Variants in RFX2 observed in about 807,000 individuals in gnomAD.
RFX2 encodes the protein regulatory factor X2.
In RFX2, 20 loss-of-function variants were observed where a neutral mutation model predicts 87.8. That is an observed-to-expected ratio of 0.23 (90% confidence interval 0.16 to 0.33). The LOEUF (loss-of-function observed/expected upper bound fraction) is 0.33. Among genes scored for constraint, RFX2 ranks in the 10% least tolerant of loss-of-function variants. The pLI, the probability that RFX2 is intolerant of heterozygous loss-of-function variation, is 1.00. For missense variants in RFX2, 767 were observed against 1,012.3 expected (o/e 0.76, Z 3.29); for synonymous variants, 397 against 431.3 (o/e 0.92, Z 0.98).
At chr19:6,082,506 C>A (rs564044947) in intron 1 of RFX2, among the ~76,000 whole-genome samples, 2 of 152,142 alleles carry the variant, frequency 1.3e-5, no homozygotes, top group African/African-American at 4.8e-5. Context: ...GATCACAGCT[C>A]ACTTCATCCT....
chr19:6,095,133 CAAAT>C (rs2088003174), intron 1 of RFX2, among the ~76,000 whole-genome samples: 1 of 152,122 alleles, frequency 6.6e-6, no homozygotes, highest in Non-Finnish European at 1.5e-5. Context: ...TAAATAAAAA[CAAAT>C]AAATAAAATG....
chr19:6,085,460 A>G (rs2087843955), intron 1 of RFX2, among the ~76,000 whole-genome samples: 1 of 152,238 alleles, frequency 6.6e-6, no homozygotes, highest in African/African-American at 2.4e-5. Flanking sequence ...TCCTCTGCCC[A>G]TTAAAAAATT....
intron 5 of RFX2, among the ~76,000 whole-genome samples, chr19:6,032,351 C>T (rs1414802723): frequency 1.3e-5 from 2 of 152,054 alleles, no homozygotes; most frequent in African/African-American, 2.4e-5. Context: ...AGGATGGTCT[C>T]GATCTCCTGA....
intron 1 of RFX2, among the ~76,000 whole-genome samples, chr19:6,076,488 G>C (rs1230711554): frequency 1.3e-5 from 2 of 152,216 alleles, no homozygotes; most frequent in African/African-American, 4.8e-5. Flanking sequence ...GGGTCCTCCA[G>C]TTTCTAGCTG....
intron 1 of RFX2, among the ~76,000 whole-genome samples, chr19:6,092,865 C>T: frequency 6.6e-6 from 1 of 152,058 alleles, no homozygotes; most frequent in East Asian, 1.9e-4. Context: ...GGACCTGCTA[C>T]TCTGAAATGT....
Position 6,044,349 on chromosome 19 carries a change from T to G in RFX2, c.91-67A>C. 8.3e-6 allele frequency: 8 copies of G among 969,304 alleles called. No homozygotes were observed. The highest frequency in any genetic ancestry group is 1.2e-5 in the Non-Finnish European group (8 of 691,290). The allele number at this position is 969,304 out of a possible 1,614,324, so 60.0% of individuals were successfully genotyped here. On this transcript the variant is annotated intron_variant, in intron 2 of 17. Transcript: ENST00000303657. This position sits in a 1 kb window ranked among gnomAD's most constrained non-coding sequence, Gnocchi z 5.3. ...GTCAGTGCTGAGGATACACACAGAA[T>G]GTAAGATGCTGTTTGTCTGTTCATG...
chr19:6,015,358 G>A (rs977256810), intron 7 of RFX2, among the ~76,000 whole-genome samples: 8 of 151,960 alleles, frequency 5.3e-5, no homozygotes, highest in African/African-American at 1.7e-4. Context: ...GAACCCAGGA[G>A]GTGGAGGCTG....
rs1215227947 is a variant in RFX2, at chr19:6,064,790, G to T, written c.-8-17286C>A. ...TCTGGATCCCACCAACATCACATAGGGGACCTTTTCAATCTACCTCCTACC... is the reference window on the plus strand; with the variant it reads ...TCTGGATCCCACCAACATCACATAGTGGACCTTTTCAATCTACCTCCTACC... On this transcript the variant is annotated intron_variant, in intron 1 of 17. Coordinates refer to ENST00000303657, the MANE Select transcript of RFX2 (RefSeq NM_000635.4). The surrounding 1 kb of genome is among the most constrained non-coding windows in gnomAD (Gnocchi z 4.8). 6.6e-6 allele frequency among the ~76,000 whole-genome samples: 1 copy of T among 152,114 alleles called. No individual in the cohort carries two copies.
rs909071406 is a variant in RFX2 at position 6,044,932 on chromosome 19, C to G, written c.91-650G>C. Among the ~76,000 whole-genome samples the G allele has an allele frequency of 6.6e-6, 1 of 152,164 alleles. No individual in the cohort carries two copies. Among genetic ancestry groups the G allele is most frequent in the Non-Finnish European group, 1.5e-5 (1 of 68,020 alleles). The stretch of plus-strand genomic sequence containing the variant: ...GTCAAATCTGCACAGTGTGGCTTTG[C>G]TATTTTTCTGGGAGTACCGATTGGC... On this transcript the variant is annotated intron_variant, in intron 2 of 17. Transcript: ENST00000303657. This position sits in a 1 kb window ranked among gnomAD's most constrained non-coding sequence, Gnocchi z 5.3.
At chr19:6,079,927 A>C (rs1305593610) in intron 1 of RFX2, among the ~76,000 whole-genome samples, 3 of 151,658 alleles carry the variant, frequency 2.0e-5, no homozygotes, top group Non-Finnish European at 4.4e-5. Flanking sequence ...AAAACCATAG[A>C]ACAGCAAACC....
chr19:6,031,570 C>A (rs1465063885), intron 5 of RFX2, among the ~76,000 whole-genome samples: 1 of 151,192 alleles, frequency 6.6e-6, no homozygotes, highest in African/African-American at 2.4e-5. Context: ...GCTGGGATTA[C>A]AGGTGCCCGC....
At position 6,072,651 on chromosome 19, in the gene RFX2, G is replaced by T. The variant is rs142428242; in HGVS notation, c.-8-25147C>A. On this transcript the variant is annotated intron_variant, in intron 1 of 17. Coordinates refer to ENST00000303657, the MANE Select transcript of RFX2 (RefSeq NM_000635.4). ...GGCCAGGAGGTGGAGGATGCAGTGA[G>T]CAATGATTATACCACTGCACTCCAG... Among the ~76,000 whole-genome samples, 1,048 of 152,280 alleles carry T rather than the reference G, an allele frequency of 6.9e-3. 5 individuals are homozygous for T. The highest frequency in any genetic ancestry group is 0.012 in the Non-Finnish European group (794 of 68,014).
In RFX2 at chr19:5,997,186, C is replaced by T. The variant is rs750132162; in HGVS notation, c.1887G>A (p.Leu629=). The stretch of plus-strand genomic sequence containing the variant: ...AGGAGCCGAAGCTGGCAGCGCTGCG[C>T]AGGGTCAGGTCCCGGATCACCATGG... The part of the protein sequence containing the change: ...YSSMVIRDLT[L]RSAASFGSFH... Residue 629 remains leucine (L), a synonymous_variant, in exon 16 of 18, where the codon CTG becomes CTA. Transcript: ENST00000303657. The surrounding 1 kb of genome is among the most constrained non-coding windows in gnomAD (Gnocchi z 4.2). The T allele has an allele frequency of 1.2e-6, 2 of 1,612,686 alleles. No individual in the cohort carries two copies. Among genetic ancestry groups the T allele is most frequent in the Non-Finnish European group, 1.7e-6 (2 of 1,179,928 alleles).
In RFX2 at chr19:6,054,170, TAAA is replaced by T. The variant is rs150832795; in HGVS notation, c.-8-6669_-8-6667del. 6.2e-3 allele frequency among the ~76,000 whole-genome samples: 939 copies of T among 152,120 alleles called. 4 individuals are homozygous for T. The highest frequency in any genetic ancestry group is 9.8e-3 in the Non-Finnish European group (667 of 67,982). ...ATAACATATAAAATGAACACTTTTT[TAAA>T]AACACAACATAACAAAACTGACACA... On this transcript the variant is annotated intron_variant, in intron 1 of 17. Coordinates refer to ENST00000303657, the MANE Select transcript of RFX2 (RefSeq NM_000635.4).
chr19:6,070,064 G>T (rs2087575413), intron 1 of RFX2, among the ~76,000 whole-genome samples: 2 of 139,400 alleles, frequency 1.4e-5, no homozygotes, highest in Non-Finnish European at 1.6e-5. Context: ...GGATGGGATG[G>T]GATGGGATGT....
At chr19:6,091,290 A>C (rs1195127313) in intron 1 of RFX2, among the ~76,000 whole-genome samples, 1 of 152,160 alleles carries the variant, frequency 6.6e-6, no homozygotes, top group Non-Finnish European at 1.5e-5. Flanking sequence ...CCGGAGTTTG[A>C]GACCAGCCTG....
intron 1 of RFX2, among the ~76,000 whole-genome samples, chr19:6,096,238 T>C (rs942867994): frequency 3.3e-5 from 5 of 152,320 alleles, no homozygotes; most frequent in South Asian, 2.1e-4. Context: ...CCTACCAATA[T>C]TTCTTAAACC....
intron 1 of RFX2, among the ~76,000 whole-genome samples, chr19:6,097,970 C>T (rs139991054): frequency 1.3e-5 from 2 of 152,156 alleles, no homozygotes; most frequent in East Asian, 3.9e-4. Flanking sequence ...GCTTTTTTTG[C>T]CCATTTGCTT....
At chr19:6,046,605 C>CTTTTTT (rs55854937) in intron 2 of RFX2, among the ~76,000 whole-genome samples, 6 of 90,566 alleles carry the variant, frequency 6.6e-5, no homozygotes, top group South Asian at 3.8e-4. Context: ...GCCTTTTTGC[C>CTTTTTT]TTTTTTTTTT....
Sources: allele counts gnomAD v4.1 joint callset (sites outside exome capture counted in the v4.1 genomes callset), GRCh38; gene constraint gnomAD v4.1.1; non-coding constraint Gnocchi (gnomAD v3.1); transcripts MANE v1.5; gene names NCBI Gene and HGNC (gene_info 2026-07-23, HGNC 2026-07-21).